Variants in CCDC7 observed in about 807,000 individuals in gnomAD.
The protein encoded by CCDC7 is coiled-coil domain containing 7, also known as coiled-coil domain-containing protein 7.
CCDC7 carries 183 observed loss-of-function variants against 196.9 expected under a neutral mutation model. That is an observed-to-expected ratio of 0.93 (90% CI 0.82 to 1.05). The LOEUF (loss-of-function observed/expected upper bound fraction) is 1.05. Ranked by LOEUF, CCDC7 falls within the 50% of genes least tolerant of loss-of-function variation. The pLI, the probability that CCDC7 is intolerant of heterozygous loss-of-function variation, is 0.00. For missense variants in CCDC7, 1,540 were observed against 1,482.2 expected, an observed-to-expected ratio of 1.04 and a Z score of -0.64; for synonymous variants, 525 against 484.6, an observed-to-expected ratio of 1.08 and a Z score of -1.10.
At chr10:32,585,041 T>G (rs2059119430) in intron 18 of CCDC7, among the ~76,000 whole-genome samples, 1 of 152,108 alleles carries the variant, frequency 6.6e-6, no homozygotes, top group African/African-American at 2.4e-5. Context: ...CATGTTAGTA[T>G]TCAATCAATA....
intron 18 of CCDC7, among the ~76,000 whole-genome samples, chr10:32,629,334 C>T (rs568308693): frequency 6.6e-6 from 1 of 151,916 alleles, no homozygotes; most frequent in African/African-American, 2.4e-5. Context: ...CTTTTGGTTT[C>T]CTGGGGAGAT....
intron 25 of CCDC7, among the ~76,000 whole-genome samples, chr10:32,723,083 T>A (rs1288785346): frequency 1.3e-5 from 2 of 152,082 alleles, no homozygotes; most frequent in Admixed American, 1.3e-4. Context: ...TCGTAGACCC[T>A]AGCAGACCAC....
At chr10:32,621,408 C>T (rs2063395946) in intron 18 of CCDC7, among the ~76,000 whole-genome samples, 1 of 152,130 alleles carries the variant, frequency 6.6e-6, no homozygotes, top group South Asian at 2.1e-4. Flanking sequence ...TGTCTGCTGC[C>T]ACCACTGTAT....
intron 30 of CCDC7, among the ~76,000 whole-genome samples, chr10:32,811,787 T>C (rs1023989146): frequency 1.3e-5 from 2 of 152,088 alleles, no homozygotes; most frequent in African/African-American, 4.8e-5. Flanking sequence ...TACAAGTCAA[T>C]ATCTCTGATG....
chr10:32,846,021 G>A, intron 36 of CCDC7, 62 bp downstream of exon 37: 1 of 1,215,822 alleles, frequency 8.2e-7, no homozygotes, highest in Non-Finnish European at 1.2e-6. Context: ...GAGTTAAATT[G>A]AAGTATAGAC....
intron 9 of CCDC7, among the ~76,000 whole-genome samples, chr10:32,503,604 T>C (rs978319254): frequency 6.6e-6 from 1 of 152,230 alleles, no homozygotes; most frequent in Non-Finnish European, 1.5e-5. Flanking sequence ...GATGTCCATG[T>C]CTGACTTTGT....
At chr10:32,572,119 A>G (rs2057642793) in intron 16 of CCDC7, among the ~76,000 whole-genome samples, 2 of 152,140 alleles carry the variant, frequency 1.3e-5, no homozygotes, top group Non-Finnish European at 2.9e-5. Flanking sequence ...AGGACAATGT[A>G]GAAACAAACT....
chr10:32,741,286 A>G (rs1398296366), intron 28 of CCDC7, among the ~76,000 whole-genome samples: 1 of 152,238 alleles, frequency 6.6e-6, no homozygotes, highest in African/African-American at 2.4e-5. Context: ...ATCTCAAACT[A>G]AGAACTTGGA....
rs182092711 is a variant in CCDC7 at position 32,791,131 on chromosome 10, A to G, written c.3013+12047A>G. 7.1e-4 allele frequency among the ~76,000 whole-genome samples: 108 copies of G among 152,238 alleles called. 2 individuals are homozygous for G. The highest frequency in any genetic ancestry group is 6.8e-3 in the Admixed American group (104 of 15,302). On this transcript the variant is annotated intron_variant, in intron 29 of 41. Coordinates refer to ENST00000639629, the Ensembl canonical transcript of CCDC7. ...TGAGGCACCCACAGTCATCATTGAC[A>G]TGGATCGCAGGTAAGGAAGCTGCAC...
intron 24 of CCDC7, among the ~76,000 whole-genome samples, chr10:32,701,855 G>A (rs915721942): frequency 3.3e-5 from 5 of 151,992 alleles, no homozygotes; most frequent in South Asian, 2.1e-4. Flanking sequence ...TGTGGGATCG[G>A]TGGTGATATC....
intron 13 of CCDC7, among the ~76,000 whole-genome samples, chr10:32,549,552 AG>A (rs373057579): frequency 1.6e-4 from 24 of 152,190 alleles, no homozygotes; most frequent in African/African-American, 5.8e-4. Flanking sequence ...TTTATGTCTT[AG>A]GTTTAAGTCC....
chr10:32,672,892 G>A (rs988593546), intron 21 of CCDC7, among the ~76,000 whole-genome samples: 8 of 152,120 alleles, frequency 5.3e-5, no homozygotes, highest in Admixed American at 4.6e-4. Flanking sequence ...ATAGCAGGAG[G>A]GATGAAGGTT....
rs1490116568 is a variant in CCDC7, at chr10:32,470,974, T to C, written c.511-90T>C. ...AGATAAGAAAAATATAAAAATTACT[T>C]TGATTTAATAAAGGAGATAATGAAA... On this transcript the variant is annotated intron_variant, in intron 5 of 41. Transcript: ENST00000639629. The C allele has an allele frequency of 2.4e-6, 3 of 1,247,298 alleles. No homozygotes were observed. In the African/African-American group the frequency reaches 4.6e-5, roughly 19 times the overall value. 77.3% of individuals were successfully genotyped at this position (1,247,298 alleles called of 1,614,324 possible). A position where few individuals can be genotyped will look rare whatever the true frequency, so the allele number is the denominator to read the frequency against.
intron 28 of CCDC7, among the ~76,000 whole-genome samples, chr10:32,742,451 G>A (rs1183611235): frequency 6.6e-6 from 1 of 152,142 alleles, no homozygotes; most frequent in African/African-American, 2.4e-5. Context: ...GTATCGTACA[G>A]AATAGTTTCA....
chr10:32,713,040 A>G (rs1179685043), intron 25 of CCDC7, among the ~76,000 whole-genome samples: 2 of 152,220 alleles, frequency 1.3e-5, no homozygotes, highest in East Asian at 1.9e-4. Context: ...ATGATCTTCC[A>G]CATATCCCAC....
chr10:32,453,396 A>G (rs2033587599), exon 2 of CCDC7: 1 of 1,554,624 alleles, frequency 6.4e-7, no homozygotes, highest in Non-Finnish European at 8.7e-7. Context: ...AATGGAGAAG[A>G]ACCATTTGTA....
chr10:32,558,974 G>A (rs1406504393), intron 13 of CCDC7, among the ~76,000 whole-genome samples: 1 of 152,202 alleles, frequency 6.6e-6, no homozygotes, highest in African/African-American at 2.4e-5. Flanking sequence ...TAATACTGTG[G>A]TTTTCCAACA....
chr10:32,562,581 G>T (rs1464751621), intron 13 of CCDC7, among the ~76,000 whole-genome samples: 2 of 152,146 alleles, frequency 1.3e-5, no homozygotes, highest in African/African-American at 4.8e-5. Context: ...TGCAGGAAAG[G>T]CCTTTGACAA....
chr10:32,535,451 T>C (rs1564578096), intron 11 of CCDC7, among the ~76,000 whole-genome samples: 1 of 152,166 alleles, frequency 6.6e-6, no homozygotes, highest in African/African-American at 2.4e-5. Context: ...ATGTGAAGTA[T>C]ACATTGGTTT....
Sources: allele counts gnomAD v4.1 joint callset (sites outside exome capture counted in the v4.1 genomes callset), GRCh38; gene constraint gnomAD v4.1.1; transcripts MANE v1.5; gene names NCBI Gene and HGNC (gene_info 2026-07-23, HGNC 2026-07-21).